The following IGFL2 variants were observed in gnomAD, a reference collection of about 807,000 sequenced individuals.
IGFL2 encodes the protein IGF like family member 2, also known as insulin growth factor-like family member 2.
IGFL2 carries 7 observed loss-of-function variants against 13.9 expected under a neutral mutation model. That is an observed-to-expected ratio of 0.51 (90% CI 0.29 to 0.95). IGFL2 has a LOEUF of 0.95. Ranked by LOEUF, IGFL2 falls within the 40% of genes least tolerant of loss-of-function variation. IGFL2 has a pLI of 0.08. For missense variants in IGFL2, 138 were observed against 147.8 expected, an observed-to-expected ratio of 0.93 and a Z score of 0.34; for synonymous variants, 55 against 55.8, an observed-to-expected ratio of 0.99 and a Z score of 0.07.
the IGFL2 span, chr19:46,124,156 T>C: frequency 6.2e-7 from 1 of 1,610,002 alleles, no homozygotes; most frequent in Non-Finnish European, 8.5e-7. Flanking sequence ...AACAGGAGCG[T>C]CTGGGGGCAG....
chr19:46,205,212 A>G, the IGFL2 span, among the ~76,000 whole-genome samples: 1 of 152,216 alleles, frequency 6.6e-6, no homozygotes, highest in Non-Finnish European at 1.5e-5. Flanking sequence ...AGCACCCTCC[A>G]AATCATATAC....
At chr19:46,080,942 A>G in the IGFL2 span, among the ~76,000 whole-genome samples, 4 of 152,198 alleles carry the variant, frequency 2.6e-5, no homozygotes, top group Non-Finnish European at 4.4e-5. Flanking sequence ...CAGGCTTCCC[A>G]TTGATGGACG....
chr19:46,120,100 G>A, the IGFL2 span: 23 of 562,536 alleles, frequency 4.1e-5, no homozygotes, highest in African/African-American at 1.4e-4. Flanking sequence ...TTTTATTGCC[G>A]ATGAAAGTGG....
the IGFL2 span, among the ~76,000 whole-genome samples, chr19:46,134,673 T>C: frequency 6.6e-6 from 1 of 152,198 alleles, no homozygotes; most frequent in Non-Finnish European, 1.5e-5. Flanking sequence ...CATGCTCTTA[T>C]GAGAATCTAA....
At chr19:46,198,291 T>G in the IGFL2 span, 1 of 151,624 alleles carries the variant, frequency 6.6e-6, no homozygotes. Context: ...AAAATTTTTT[T>G]TTTGTAAAGA....
chr19:46,122,067 G>A, the IGFL2 span, among the ~76,000 whole-genome samples: 1 of 151,024 alleles, frequency 6.6e-6, no homozygotes, highest in Admixed American at 6.6e-5. Context: ...AACTGACACA[G>A]CTTCACTTTC....
At chr19:46,123,200 A>T in the IGFL2 span, among the ~76,000 whole-genome samples, 4 of 150,924 alleles carry the variant, frequency 2.7e-5, no homozygotes, top group African/African-American at 9.8e-5. Flanking sequence ...AAAAGGACAG[A>T]TATTTAGCCA....
chr19:46,103,034 G>A, the IGFL2 span, among the ~76,000 whole-genome samples: 1 of 152,130 alleles, frequency 6.6e-6, no homozygotes, highest in South Asian at 2.1e-4. Flanking sequence ...CTAAACAGAA[G>A]ACACAAGGTC....
the IGFL2 span, among the ~76,000 whole-genome samples, chr19:46,089,841 G>A: frequency 6.6e-6 from 1 of 151,844 alleles, no homozygotes; most frequent in African/African-American, 2.4e-5. Flanking sequence ...ATCTTATTTG[G>A]ATTGAATCTG....
the IGFL2 span, among the ~76,000 whole-genome samples, chr19:46,130,867 C>T: frequency 6.6e-6 from 1 of 152,054 alleles, no homozygotes; most frequent in South Asian, 2.1e-4. Context: ...ATGTTTTCCT[C>T]GCCTTTGTGT....
the IGFL2 span, among the ~76,000 whole-genome samples, chr19:46,171,355 C>G: frequency 2.6e-4 from 40 of 152,038 alleles, no homozygotes; most frequent in Non-Finnish European, 7.4e-5. Flanking sequence ...CTATTCAAGA[C>G]GAGATTATGG....
the IGFL2 span, chr19:46,120,339 C>T: frequency 6.2e-7 from 1 of 1,611,154 alleles, no homozygotes; most frequent in Non-Finnish European, 8.5e-7. Context: ...TTTATGGGTA[C>T]AGGACGTGCC....
chr19:46,163,087 C>T (rs891210954), downstream of IGFL2, among the ~76,000 whole-genome samples: 16 of 152,130 alleles, frequency 1.1e-4, no homozygotes, highest in Admixed American at 4.6e-4. Context: ...TTTATGTTGA[C>T]GCTTTGGGGT....
chr19:46,101,677 G>C, the IGFL2 span, among the ~76,000 whole-genome samples: 1 of 152,200 alleles, frequency 6.6e-6, no homozygotes, highest in Non-Finnish European at 1.5e-5. Context: ...CTCAGACGTC[G>C]TAAGCAGCAG....
At chr19:46,199,631 G>A in the IGFL2 span, among the ~76,000 whole-genome samples, 1 of 152,172 alleles carries the variant, frequency 6.6e-6, no homozygotes, top group Non-Finnish European at 1.5e-5. Context: ...GAGAGATCAG[G>A]CTCAGGCCAA....
the IGFL2 span, chr19:46,202,781 A>C: frequency 6.6e-6 from 1 of 152,228 alleles, no homozygotes; most frequent in East Asian, 1.9e-4. Flanking sequence ...GAGAGATTAA[A>C]GAGTGGAGGG....
the IGFL2 span, among the ~76,000 whole-genome samples, chr19:46,136,337 T>A: frequency 5.3e-5 from 8 of 152,212 alleles, no homozygotes; most frequent in Non-Finnish European, 1.2e-4. Flanking sequence ...AGATTCATAC[T>A]TGTTTGAACA....
chr19:46,141,753 G>C (rs1972868883), upstream of IGFL2, among the ~76,000 whole-genome samples: 1 of 152,008 alleles, frequency 6.6e-6, no homozygotes, highest in Admixed American at 6.6e-5. Context: ...CACTGATAGA[G>C]AATTAAGCAC....
chr19:46,123,975 A>G, the IGFL2 span: 7 of 1,611,432 alleles, frequency 4.3e-6, no homozygotes, highest in South Asian at 1.1e-5. Context: ...GCTGGGGGCC[A>G]AAAGACTCGG....
Sources: allele counts gnomAD v4.1 joint callset (sites outside exome capture counted in the v4.1 genomes callset), GRCh38; gene constraint gnomAD v4.1.1; transcripts MANE v1.5; gene names NCBI Gene and HGNC (gene_info 2026-07-23, HGNC 2026-07-21).